The following RGS6 variants were observed in gnomAD, a reference collection of about 807,000 sequenced individuals.
RGS6 encodes regulator of G-protein signaling 6.
In RGS6, 30 loss-of-function variants were observed where a neutral mutation model predicts 78.5. The observed-to-expected ratio is 0.38, with a 90% CI of 0.29 to 0.52. The LOEUF (loss-of-function observed/expected upper bound fraction) is 0.52, where lower values mean the gene tolerates loss of function less well. RGS6 is among the 20% of genes least tolerant of loss of function. The probability of loss-of-function intolerance (pLI) is 0.85; values close to 1 mark genes in which losing one functional copy is unlikely to be tolerated. For synonymous variants in RGS6, 206 were observed against 206.0 expected (o/e 1.00, Z 0.00); for missense variants, 495 against 609.7 (o/e 0.81, Z 1.98).
chr14:72,265,781 T>A (rs1036063728), intron 2 of RGS6, among the ~76,000 whole-genome samples: 7 of 152,128 alleles, frequency 4.6e-5, no homozygotes, highest in African/African-American at 1.4e-4. Context: ...AGAGCCCTGC[T>A]TCCATCCACT....
intron 3 of RGS6, among the ~76,000 whole-genome samples, chr14:72,424,903 A>G (rs2094369748): frequency 6.6e-6 from 1 of 152,208 alleles, no homozygotes; most frequent in Non-Finnish European, 1.5e-5. Flanking sequence ...TTCAGTTTAC[A>G]AACCCTTCAG....
chr14:71,986,162 C>T (rs544802793), intron 2 of RGS6, among the ~76,000 whole-genome samples: 1 of 152,132 alleles, frequency 6.6e-6, no homozygotes, highest in African/African-American at 2.4e-5. Context: ...ACAGTGTTCT[C>T]GAACTGCCCA....
chr14:72,459,101 ACAGAC>A (rs1159993517), intron 5 of RGS6, among the ~76,000 whole-genome samples: 1 of 152,214 alleles, frequency 6.6e-6, no homozygotes, highest in East Asian at 1.9e-4. Flanking sequence ...GCCTGATAGC[ACAGAC>A]CTTGATCTTT....
chr14:72,342,591 G>A (rs888410718), intron 2 of RGS6, among the ~76,000 whole-genome samples: 20 of 150,814 alleles, frequency 1.3e-4, no homozygotes, highest in African/African-American at 4.4e-4. Context: ...CTATCCAGGC[G>A]TGGTGGTGGA....
intron 2 of RGS6, among the ~76,000 whole-genome samples, chr14:72,125,051 A>T (rs1280837523): frequency 6.6e-6 from 1 of 152,212 alleles, no homozygotes; most frequent in Non-Finnish European, 1.5e-5. Flanking sequence ...AATATAAAAG[A>T]TGCCAACTCC....
At chr14:72,494,546 A>G (rs960784986) in intron 12 of RGS6, among the ~76,000 whole-genome samples, 1 of 152,206 alleles carries the variant, frequency 6.6e-6, no homozygotes, top group Non-Finnish European at 1.5e-5. Context: ...TATTCTAACT[A>G]TTCACATACA....
chr14:71,902,943 G>A, the RGS6 span, among the ~76,000 whole-genome samples: 1 of 152,212 alleles, frequency 6.6e-6, no homozygotes, highest in African/African-American at 2.4e-5. Context: ...TCTAAACCTG[G>A]GATCAAATCT....
intron 17 of RGS6, among the ~76,000 whole-genome samples, chr14:72,542,552 A>G (rs1567092030): frequency 2.0e-5 from 3 of 152,382 alleles, no homozygotes. Flanking sequence ...AAAGATGTGT[A>G]AGAACATGAC....
chr14:72,429,504 G>C (rs2094546049), intron 3 of RGS6, among the ~76,000 whole-genome samples: 1 of 152,178 alleles, frequency 6.6e-6, no homozygotes, highest in Non-Finnish European at 1.5e-5. Context: ...GTAGAGGAGA[G>C]GTTGGGGACA....
At chr14:72,095,855 A>G (rs2095394614) in intron 2 of RGS6, among the ~76,000 whole-genome samples, 1 of 152,238 alleles carries the variant, frequency 6.6e-6, no homozygotes, top group Non-Finnish European at 1.5e-5. Flanking sequence ...TGCATTGTCT[A>G]CATTAATGTA....
chr14:72,282,245 A>G (rs989982646), intron 2 of RGS6, among the ~76,000 whole-genome samples: 12 of 152,316 alleles, frequency 7.9e-5, no homozygotes, highest in Non-Finnish European at 1.3e-4. Flanking sequence ...TTCTCTATCA[A>G]ATATACTTGA....
chr14:72,315,152 T>G (rs1055926212), intron 2 of RGS6, among the ~76,000 whole-genome samples: 2 of 72 alleles, frequency 0.028, no homozygotes, highest in Non-Finnish European at 0.05. Flanking sequence ...TATGTAAATA[T>G]CAGCTGAGAG....
At position 72,530,518 on chromosome 14, in the gene RGS6, TCTC is replaced by T. The variant is rs2097169239; in HGVS notation, c.1279-5667_1279-5665del. Among the ~76,000 whole-genome samples the T allele has an allele frequency of 3.3e-5, 5 of 152,108 alleles. No individual in the cohort carries two copies. The South Asian group carries it at 1.0e-3, about 32-fold the overall frequency. ...GCCTGGCCAACATGGTGAAACACCG[TCTC>T]TACTAAAAAATATATAAAAATTAGC... On this transcript the variant is annotated intron_variant, in intron 15 of 17. Coordinates refer to ENST00000553525, the MANE Select transcript of RGS6 (RefSeq NM_001204424.2).
intron 2 of RGS6, among the ~76,000 whole-genome samples, chr14:71,987,754 C>A (rs929121018): frequency 2.0e-5 from 3 of 152,080 alleles, no homozygotes; most frequent in African/African-American, 7.2e-5. Context: ...CTCCTGGGCT[C>A]AAGTATATCC....
At chr14:72,493,452 GA>G (rs1410047406) in intron 12 of RGS6, among the ~76,000 whole-genome samples, 1 of 151,684 alleles carries the variant, frequency 6.6e-6, no homozygotes, top group Non-Finnish European at 1.5e-5. Flanking sequence ...ACAAGGAGAT[GA>G]AAAATGGGAG....
At chr14:72,260,834 G>C (rs2058032856) in intron 2 of RGS6, among the ~76,000 whole-genome samples, 1 of 152,216 alleles carries the variant, frequency 6.6e-6, no homozygotes, top group Non-Finnish European at 1.5e-5. Flanking sequence ...GCCTGTGAAA[G>C]TGAGGCAAAG....
intron 3 of RGS6, among the ~76,000 whole-genome samples, chr14:72,366,307 A>T (rs995914720): frequency 6.6e-6 from 1 of 152,144 alleles, no homozygotes; most frequent in Non-Finnish European, 1.5e-5. Flanking sequence ...AAATGTTGGG[A>T]TTGGGAAGGT....
chr14:72,200,987 AG>A (rs372368651), intron 2 of RGS6, among the ~76,000 whole-genome samples: 3,358 of 129,654 alleles, frequency 0.026, 74 homozygotes, highest in African/African-American at 0.039. Context: ...AAAAAAAAAA[AG>A]AAGAAGAAAA....
At chr14:72,412,148 GCTC>G (rs1195368760) in intron 3 of RGS6, among the ~76,000 whole-genome samples, 2 of 152,220 alleles carry the variant, frequency 1.3e-5, no homozygotes, top group African/African-American at 4.8e-5. Flanking sequence ...AATGGTACCA[GCTC>G]CTCCTTGTAC....
Sources: gnomAD v4.1 joint callset for allele counts (sites outside exome capture counted in the v4.1 genomes callset) on GRCh38, gnomAD v4.1.1 for gene constraint, MANE v1.5 for transcripts, NCBI Gene and HGNC (gene_info 2026-07-23, HGNC 2026-07-21) for gene names.